PTK6: variants seen among roughly 807,000 people sequenced by gnomAD.
PTK6 encodes protein tyrosine kinase 6, also known as protein-tyrosine kinase 6.
In PTK6, 47 loss-of-function variants were observed where a neutral mutation model predicts 47.5. The observed-to-expected ratio is 0.99, with a 90% CI of 0.78 to 1.26. The LOEUF is 1.26. PTK6 is among the 50% of genes most tolerant of loss of function. The pLI is 0.00. For synonymous variants in PTK6, 287 were observed against 276.5 expected (o/e 1.04, Z -0.38); for missense variants, 618 against 625.3 (o/e 0.99, Z 0.12).
intron 1 of PTK6, among the ~76,000 whole-genome samples, chr20:63,535,440 G>A (rs1412119875): frequency 6.6e-6 from 1 of 151,002 alleles, no homozygotes; most frequent in East Asian, 1.9e-4. Context: ...CCACACATGC[G>A]CACAGTTCAC....
chr20:63,531,564 G>A (rs66899053), intron 5 of PTK6, among the ~76,000 whole-genome samples: 30,917 of 148,192 alleles, frequency 0.21, 5,742 homozygotes, highest in East Asian at 0.96. Context: ...ACAGTGAGCC[G>A]AGACTGCGCC....
In PTK6 at chr20:63,534,251, C is replaced by G. The variant is rs370451658; in HGVS notation, c.417G>C (p.Leu139=). 7 of 1,607,744 alleles carry G rather than the reference C, an allele frequency of 4.4e-6. No individual in the cohort carries two copies. In the African/African-American group the frequency reaches 8.0e-5, roughly 18 times the overall value. ...IWRRAGGRLH[L]NEAVSFLSLP... ...GGCTGAGGAAGGACACCGCCTCGTT[C>G]AGGTGCAGCCGGCCCCCGGCACGCC... Residue 139 remains leucine (L), a synonymous_variant, in exon 3 of 8, where the codon CTG becomes CTC. Coordinates refer to ENST00000542869, the MANE Select transcript of PTK6 (RefSeq NM_005975.4).
At position 63,529,447 on chromosome 20, in the gene PTK6, A is replaced by C; in HGVS notation, c.*89T>G. On this transcript the variant is annotated 3_prime_UTR_variant, in exon 8 of 8. Transcript: ENST00000542869. The surrounding 1 kb of genome is among the most constrained non-coding windows in gnomAD (Gnocchi z 5.6). ...TGCACCCATCACCTCAGTAAACCCC[A>C]GGGAAGCGCGTGGGCCTTGATCCCA... 1 of 1,369,328 alleles carries C rather than the reference A, an allele frequency of 7.3e-7. No homozygotes were observed. The highest frequency in any genetic ancestry group is 9.7e-7 in the Non-Finnish European group (1 of 1,032,950). 84.8% of individuals were successfully genotyped at this position (1,369,328 alleles called of 1,614,324 possible).
intron 5 of PTK6, among the ~76,000 whole-genome samples, chr20:63,532,320 T>C (rs542632697): frequency 1.7e-5 from 2 of 120,370 alleles, no homozygotes; most frequent in Non-Finnish European, 3.0e-5. Flanking sequence ...TGTGTGCATG[T>C]GTATGTCTGT....
At chr20:63,532,288 A>ATCTGTTTTG (rs2082628612) in intron 5 of PTK6, among the ~76,000 whole-genome samples, 1 of 133,374 alleles carries the variant, frequency 7.5e-6, no homozygotes, top group African/African-American at 3.2e-5. Flanking sequence ...GTGTCATGTG[A>ATCTGTTTTG]TGTGTCTTGT....
At position 63,533,604 on chromosome 20, in the gene PTK6, A is replaced by G; in HGVS notation, c.617T>C (p.Phe206Ser). The G allele has an allele frequency of 6.2e-7, 1 of 1,613,782 alleles. No individual in the cohort carries two copies. Among genetic ancestry groups the G allele is most frequent in the Non-Finnish European group, 8.5e-7 (1 of 1,179,958 alleles). ...KLGSGYFGEV[F>S]EGLWKDRVQV... ...GACCCGGTCTTTCCAGAGCCCCTCGAAGACCTCCCCAAAGTAGCCGGACCC... is the reference window on the plus strand; with the variant it reads ...GACCCGGTCTTTCCAGAGCCCCTCGGAGACCTCCCCAAAGTAGCCGGACCC... The change falls in exon 4 of 8, where the codon TTC (phenylalanine) becomes TCC (serine). Residue 206 changes from phenylalanine (F) to serine (S), a missense_variant. Transcript: ENST00000542869. The surrounding 1 kb of genome is among the most constrained non-coding windows in gnomAD (Gnocchi z 4.0).
At position 63,537,085 on chromosome 20, in the gene PTK6, G is replaced by A. The variant is rs763957272; in HGVS notation, c.230C>T (p.Pro77Leu). The A allele has an allele frequency of 4.0e-5, 64 of 1,606,960 alleles. No individual in the cohort carries two copies. The highest frequency in any genetic ancestry group is 5.0e-5 in the Non-Finnish European group (59 of 1,177,262). ...LAERETVESE[P>L]WFFGCISRSE... ...GCTCCCAGCAGCCTAGGACACGCAC[G>A]GTTCCGACTCCACCGTCTCCCTCTC... Residue 77 changes from proline (P) to leucine (L), a missense_variant and splice_region_variant, in exon 1 of 8, where the codon CCG (proline) becomes CTG (leucine). Coordinates refer to ENST00000542869, the MANE Select transcript of PTK6 (RefSeq NM_005975.4).
At chr20:63,531,449 T>A (rs866219293) in intron 5 of PTK6, among the ~76,000 whole-genome samples, 97 of 120,796 alleles carry the variant, frequency 8.0e-4, no homozygotes, top group African/African-American at 3.0e-3. Flanking sequence ...TATATATATA[T>A]ATATATATAT....
chr20:63,532,578 C>T lies in PTK6; in HGVS notation c.780G>A (p.Val260=), dbSNP rs2082633685. 1.9e-6 allele frequency: 3 copies of T among 1,613,900 alleles called. No homozygotes were observed. The South Asian group carries it at 3.3e-5, about 18-fold the overall frequency. ...LYAVVSVGDP[V]YIITELMAKG... The stretch of plus-strand genomic sequence containing the variant: ...TGGCCATGAGCTCCGTGATGATGTA[C>T]ACGGGGTCCCCCACGGACACCACGG... Residue 260 remains valine (V), a synonymous_variant, in exon 5 of 8, where the codon GTG becomes GTA. Coordinates refer to ENST00000542869, the MANE Select transcript of PTK6 (RefSeq NM_005975.4).
At position 63,534,296 on chromosome 20, in the gene PTK6, C is replaced by T. The variant is rs766263999; in HGVS notation, c.372G>A (p.Val124=). ...CACGCCGCCAGATCTTGTAGTGCCG[C>T]ACAGCCTGCGTGTCCCGCACTGGGA... ...YVLSVRDTQA[V]RHYKIWRRAG... The change falls in exon 3 of 8, where the codon GTG becomes GTA. Residue 124 remains valine, a synonymous_variant. Coordinates refer to ENST00000542869, the MANE Select transcript of PTK6 (RefSeq NM_005975.4). 6.2e-7 allele frequency: 1 copy of T among 1,606,664 alleles called. No homozygotes were observed. The highest frequency in any genetic ancestry group is 1.1e-5 in the South Asian group (1 of 89,980).
In PTK6 at chr20:63,529,430, T is replaced by C; in HGVS notation, c.*106A>G. ...CATTTGTGAACCTTTCCTGCACCCA[T>C]CACCTCAGTAAACCCCAGGGAAGCG... On this transcript the variant is annotated 3_prime_UTR_variant, in exon 8 of 8. Coordinates refer to ENST00000542869, the MANE Select transcript of PTK6 (RefSeq NM_005975.4). The surrounding 1 kb of genome is among the most constrained non-coding windows in gnomAD (Gnocchi z 5.6). 1 of 1,241,390 alleles carries C rather than the reference T, an allele frequency of 8.1e-7. No individual in the cohort carries two copies. The allele number at this position is 1,241,390 out of a possible 1,614,324, so 76.9% of individuals were successfully genotyped here.
chr20:63,532,002 G>A (rs1030140319), intron 5 of PTK6, among the ~76,000 whole-genome samples: 5 of 152,220 alleles, frequency 3.3e-5, no homozygotes, highest in Non-Finnish European at 5.9e-5. Flanking sequence ...TTCTAACATC[G>A]GAATCCAAAC....
Position 63,533,826 on chromosome 20 carries a change from GTT to G in PTK6, c.517-124_517-123del. Reference sequence around the variant, plus strand: ...GGGCCACGATCAGCCTGGGTTGGGGGTTTCTGAGTGTCTGACACAAGGGTGGA... The same window carrying G: ...GGGCCACGATCAGCCTGGGTTGGGGGTCTGAGTGTCTGACACAAGGGTGGA... On this transcript the variant is annotated intron_variant, in intron 3 of 7. Transcript: ENST00000542869. The surrounding 1 kb of genome is among the most constrained non-coding windows in gnomAD (Gnocchi z 4.0). 1 of 1,355,112 alleles carries G rather than the reference GTT, an allele frequency of 7.4e-7. No individual in the cohort carries two copies. 83.9% of individuals were successfully genotyped at this position (1,355,112 alleles called of 1,614,324 possible).
At chr20:63,534,370 T>C in intron 2 of PTK6, 55 bp from the exon 3 acceptor site, 1 of 1,510,692 alleles carries the variant, frequency 6.6e-7, no homozygotes, top group Non-Finnish European at 8.8e-7. Context: ...CCTCCCTGCG[T>C]CCCCAGCCCT....
Position 63,534,177 on chromosome 20 carries a change from A to G in PTK6, c.491T>C (p.Leu164Pro). 1 of 1,561,914 alleles carries G rather than the reference A, an allele frequency of 6.4e-7. No homozygotes were observed. Among genetic ancestry groups the G allele is most frequent in the Non-Finnish European group, 8.7e-7 (1 of 1,154,394 alleles). The change falls in exon 3 of 8, where the codon CTG becomes CCG. Residue 164 changes from leucine (L) to proline (P), a missense_variant. Physicochemically the swap from Leu to Pro is moderately conservative, Grantham distance 98 (BLOSUM62 -3). Transcript: ENST00000542869. The stretch of plus-strand genomic sequence containing the variant: ...CTTCCGGCAGGGCGCGGCCAGCCGC[A>G]GGCCGTGGGACAGGCTCTGGGCCCT... ...YHRAQSLSHG[L>P]RLAAPCRKHE...
In PTK6 at chr20:63,533,542, C is replaced by T. The variant is rs2082641701; in HGVS notation, c.670+9G>A. 6.3e-7 allele frequency: 1 copy of T among 1,599,152 alleles called. No homozygotes were observed. The highest frequency in any genetic ancestry group is 1.1e-5 in the South Asian group (1 of 89,062). ...GGGCCACACAGAGCCCTGATCGGGG[C>T]CCACTCACCTCGAGAAATCACCTTA... On this transcript the variant is annotated intron_variant, in intron 4 of 7. Coordinates refer to ENST00000542869, the MANE Select transcript of PTK6 (RefSeq NM_005975.4). The surrounding 1 kb of genome is among the most constrained non-coding windows in gnomAD (Gnocchi z 4.0).
chr20:63,535,384 C>T (rs553053572), intron 1 of PTK6, among the ~76,000 whole-genome samples: 1 of 151,520 alleles, frequency 6.6e-6, no homozygotes, highest in South Asian at 2.1e-4. Flanking sequence ...GCTGCCTGCA[C>T]ACACCCATGT....
chr20:63,537,164 CCAGCAGCGTGGCCCACCACCA>C lies in PTK6; in HGVS notation c.130_150del (p.Trp44_Leu50del). On this transcript the variant is annotated inframe_deletion, in exon 1 of 8. Transcript: ENST00000542869. The stretch of plus-strand genomic sequence containing the variant: ...TGGGCCACGGCCCCACCCGCCTCGT[CCAGCAGCGTGGCCCACCACCA>C]CTGCTCCTCCTTCCTGGCCACGTGG... 6.2e-7 allele frequency: 1 copy of C among 1,612,342 alleles called. No individual in the cohort carries two copies. Among genetic ancestry groups the C allele is most frequent in the Non-Finnish European group, 8.5e-7 (1 of 1,179,830 alleles).
intron 4 of PTK6, among the ~76,000 whole-genome samples, 157 bp from the exon 5 acceptor site, chr20:63,532,844 G>A (rs1049220791): frequency 6.6e-6 from 1 of 152,216 alleles, no homozygotes; most frequent in African/African-American, 2.4e-5. Flanking sequence ...GGCTCCCGAG[G>A]CCACGAAATG....
Sources: gnomAD v4.1 joint callset for allele counts (sites outside exome capture counted in the v4.1 genomes callset) on GRCh38, gnomAD v4.1.1 for gene constraint, Gnocchi (gnomAD v3.1) non-coding constraint, MANE v1.5 for transcripts, NCBI Gene and HGNC (gene_info 2026-07-23, HGNC 2026-07-21) for gene names.